RBFOX3: variants seen among roughly 807,000 people sequenced by gnomAD.
RBFOX3 encodes the protein RNA binding fox-1 homolog 3, also known as RNA binding protein fox-1 homolog 3.
A neutral mutation model predicts 48.7 loss-of-function variants in RBFOX3; 17 were observed. The observed-to-expected ratio is 0.35, with a 90% CI of 0.24 to 0.52. The LOEUF is 0.52. Ranked by LOEUF, RBFOX3 falls within the 20% of genes least tolerant of loss-of-function variation. The pLI is 0.94. For synonymous variants in RBFOX3, 212 were observed against 209.5 expected, an observed-to-expected ratio of 1.01 and a Z score of -0.10; for missense variants, 382 against 497.5, an observed-to-expected ratio of 0.77 and a Z score of 2.21.
At chr17:79,274,133 G>A (rs2068271950) in intron 3 of RBFOX3, among the ~76,000 whole-genome samples, 1 of 152,158 alleles carries the variant, frequency 6.6e-6, no homozygotes, top group Non-Finnish European at 1.5e-5. Context: ...CCCACCAGCA[G>A]TGTCCACCTG....
At chr17:79,374,253 G>C (rs560049606) in intron 2 of RBFOX3, among the ~76,000 whole-genome samples, 1 of 152,188 alleles carries the variant, frequency 6.6e-6, no homozygotes, top group Non-Finnish European at 1.5e-5. Flanking sequence ...GAGAGTGGGC[G>C]TGAGAGAAGT....
intron 3 of RBFOX3, among the ~76,000 whole-genome samples, chr17:79,239,639 G>C (rs922783872): frequency 6.6e-6 from 1 of 152,236 alleles, no homozygotes; most frequent in Non-Finnish European, 1.5e-5. Context: ...CTGTGGTTGG[G>C]GTGAGTGCCC....
chr17:79,421,505 G>T lies in RBFOX3; in HGVS notation c.-175+60949C>A, dbSNP rs1209436360. Reference sequence around the variant, plus strand: ...CAGCCCCTCCCCCTGAAGAAAGCATGTGGGGAGGGACAGGGCCCAGGGCCT... The same window carrying T: ...CAGCCCCTCCCCCTGAAGAAAGCATTTGGGGAGGGACAGGGCCCAGGGCCT... On this transcript the variant is annotated intron_variant, in intron 2 of 14. Coordinates refer to ENST00000693108, the MANE Select transcript of RBFOX3 (RefSeq NM_001350451.2). This position sits in a 1 kb window ranked among gnomAD's most constrained non-coding sequence, Gnocchi z 4.5. Among the ~76,000 whole-genome samples, 1 of 152,164 alleles carries T rather than the reference G, an allele frequency of 6.6e-6. No individual in the cohort carries two copies. Among genetic ancestry groups the T allele is most frequent in the East Asian group, 1.9e-4 (1 of 5,168 alleles).
At chr17:79,582,529 G>A (rs1412468797) in intron 1 of RBFOX3, among the ~76,000 whole-genome samples, 2 of 152,128 alleles carry the variant, frequency 1.3e-5, no homozygotes, top group African/African-American at 4.8e-5. Context: ...CCAACCGGGT[G>A]CGGTGGCTCA....
At chr17:79,348,569 T>TC (rs1452774915) in intron 2 of RBFOX3, among the ~76,000 whole-genome samples, 12 of 126,252 alleles carry the variant, frequency 9.5e-5, no homozygotes, top group African/African-American at 3.4e-4. Flanking sequence ...TCTTTTCTTT[T>TC]CCTTTTTTTT....
intron 2 of RBFOX3, among the ~76,000 whole-genome samples, chr17:79,354,141 T>C (rs1542395): frequency 0.98 from 149,494 of 152,266 alleles, 73,445 homozygotes; most frequent in East Asian, 1. Context: ...ATCAGTTCAA[T>C]GGGTGAACTA....
At chr17:79,520,788 G>A (rs960283656) in intron 1 of RBFOX3, among the ~76,000 whole-genome samples, 3 of 152,116 alleles carry the variant, frequency 2.0e-5, no homozygotes, top group East Asian at 1.9e-4. Context: ...CCGGCTGGCC[G>A]GGTGCCACAC....
the RBFOX3 span, among the ~76,000 whole-genome samples, chr17:79,622,796 A>G: frequency 6.6e-6 from 1 of 152,142 alleles, no homozygotes; most frequent in Non-Finnish European, 1.5e-5. Flanking sequence ...GGGAGTTAGG[A>G]CGGCACCATA....
chr17:79,115,355 C>T (rs2033605234), intron 5 of RBFOX3, 139 bp downstream of exon 5: 1 of 470,302 alleles, frequency 2.1e-6, no homozygotes, highest in Admixed American at 4.4e-5. Context: ...CGTAAAAGGC[C>T]TGCCCTCCAC....
chr17:79,220,354 G>A lies in RBFOX3; in HGVS notation c.-34+15412C>T, dbSNP rs549687675. 2.6e-5 allele frequency among the ~76,000 whole-genome samples: 4 copies of A among 152,220 alleles called. No homozygotes were observed. The East Asian group carries it at 7.7e-4, about 29-fold the overall frequency. The stretch of plus-strand genomic sequence containing the variant: ...CACTTGCAGCTGTCTTAGGAAGTGC[G>A]GCTCTCCTCTCTGCCTCCCGCTCGC... On this transcript the variant is annotated intron_variant, in intron 4 of 14. Transcript: ENST00000693108. This position sits in a 1 kb window ranked among gnomAD's most constrained non-coding sequence, Gnocchi z 5.9.
At chr17:79,417,648 C>T (rs2065601580) in intron 2 of RBFOX3, among the ~76,000 whole-genome samples, 1 of 152,186 alleles carries the variant, frequency 6.6e-6, no homozygotes, top group African/African-American at 2.4e-5. Flanking sequence ...GCCGCTGCTG[C>T]GGAAAAGGAA....
intron 1 of RBFOX3, among the ~76,000 whole-genome samples, chr17:79,518,717 C>G (rs1050103258): frequency 6.6e-6 from 1 of 152,232 alleles, no homozygotes; most frequent in African/African-American, 2.4e-5. Context: ...GCCCCCTTGC[C>G]GTGCCTTCCC....
rs375540474 is a variant in RBFOX3 at position 79,492,366 on chromosome 17, G to C, written c.-319-9768C>G. ...GTGTGACCAATAGAATTCAGCAGAAGTGAAGGTTCATCAATTCTAAGATTA... is the reference window on the plus strand; with the variant it reads ...GTGTGACCAATAGAATTCAGCAGAACTGAAGGTTCATCAATTCTAAGATTA... On this transcript the variant is annotated intron_variant, in intron 1 of 14. Coordinates refer to ENST00000693108, the MANE Select transcript of RBFOX3 (RefSeq NM_001350451.2). Among the ~76,000 whole-genome samples the C allele has an allele frequency of 3.3e-5, 5 of 152,358 alleles. No individual in the cohort carries two copies. The East Asian group carries it at 9.7e-4, about 29-fold the overall frequency.
chr17:79,620,338 G>A, the RBFOX3 span, among the ~76,000 whole-genome samples: 1 of 120,308 alleles, frequency 8.3e-6, no homozygotes, highest in Admixed American at 8.8e-5. Flanking sequence ...CACGCACACA[G>A]ACATGCACAC....
At chr17:79,420,471 A>G (rs886560425) in intron 2 of RBFOX3, among the ~76,000 whole-genome samples, 7 of 152,180 alleles carry the variant, frequency 4.6e-5, no homozygotes, top group Non-Finnish European at 8.8e-5. Context: ...TCTGCCAGCC[A>G]GCCTGCTAGA....
intron 4 of RBFOX3, among the ~76,000 whole-genome samples, chr17:79,217,437 C>G (rs1435500343): frequency 6.6e-6 from 1 of 152,212 alleles, no homozygotes; most frequent in Non-Finnish European, 1.5e-5. Context: ...TTCAATCACT[C>G]ACTCGTTCAT....
At chr17:79,629,249 C>T in the RBFOX3 span, among the ~76,000 whole-genome samples, 2 of 152,134 alleles carry the variant, frequency 1.3e-5, no homozygotes, top group Non-Finnish European at 2.9e-5. Context: ...TATTGTCCTC[C>T]AAATTTCATG....
At chr17:79,635,339 C>A in the RBFOX3 span, among the ~76,000 whole-genome samples, 1 of 152,052 alleles carries the variant, frequency 6.6e-6, no homozygotes, top group South Asian at 2.1e-4. Context: ...GCAACCTGAT[C>A]GTCCCATCAT....
chr17:79,093,079 T>C (rs2074294476), intron 14 of RBFOX3, among the ~76,000 whole-genome samples: 1 of 152,194 alleles, frequency 6.6e-6, no homozygotes, highest in Admixed American at 6.5e-5. Context: ...CTGGGGCCAC[T>C]GAAGCCAGCT....
Sources: gnomAD v4.1 joint callset for allele counts (sites outside exome capture counted in the v4.1 genomes callset) on GRCh38, gnomAD v4.1.1 for gene constraint, Gnocchi (gnomAD v3.1) non-coding constraint, MANE v1.5 for transcripts, NCBI Gene and HGNC (gene_info 2026-07-23, HGNC 2026-07-21) for gene names.